RAPH1: variants seen among roughly 807,000 people sequenced by gnomAD.
RAPH1 encodes Ras association (RalGDS/AF-6) and pleckstrin homology domains 1.
Under a neutral mutation model 88.1 loss-of-function variants are expected in RAPH1, and 18 were observed. The ratio of observed to expected loss-of-function variants is 0.20; its 90% confidence interval spans 0.14 to 0.30. RAPH1 has a LOEUF of 0.30. Among genes scored for constraint, RAPH1 ranks in the 10% least tolerant of loss-of-function variants. The pLI is 1.00. For missense variants in RAPH1, 1,448 were observed against 1,543.2 expected (o/e 0.94, Z 1.03); for synonymous variants, 587 against 559.0 (o/e 1.05, Z -0.71).
intron 13 of RAPH1, chr2:203,444,571 T>C (rs138873672): frequency 1.4e-4 from 55 of 388,472 alleles, no homozygotes; most frequent in Middle Eastern, 1.3e-3. Flanking sequence ...AAGGAAGAAA[T>C]TGTTATTTCT....
chr2:203,441,486 G>C lies in RAPH1; in HGVS notation c.1777-73C>G, dbSNP rs370983870. Reference sequence around the variant, plus strand: ...CAAAACAGTTACAGAGGTAAGCTTTGATTGTGTAAAACTAAAAAGCAGGGA... The same window carrying C: ...CAAAACAGTTACAGAGGTAAGCTTTCATTGTGTAAAACTAAAAAGCAGGGA... On this transcript the variant is annotated intron_variant, in intron 13 of 13. Coordinates refer to ENST00000319170, the MANE Select transcript of RAPH1 (RefSeq NM_213589.3). 469 of 1,454,444 alleles carry C rather than the reference G, an allele frequency of 3.2e-4. 4 individuals are homozygous for C. The South Asian group carries it at 5.8e-3, about 18-fold the overall frequency. 90.1% of individuals were successfully genotyped at this position (1,454,444 alleles called of 1,614,324 possible).
intron 1 of RAPH1, among the ~76,000 whole-genome samples, chr2:203,531,806 G>A (rs570493617): frequency 6.6e-6 from 1 of 152,306 alleles, no homozygotes; most frequent in African/African-American, 2.4e-5. Context: ...GTAAAATGGT[G>A]CAGCTGCTGT....
At chr2:203,534,773 C>G (rs999828817) in intron 1 of RAPH1, among the ~76,000 whole-genome samples, 2 of 152,164 alleles carry the variant, frequency 1.3e-5, no homozygotes, top group African/African-American at 4.8e-5. Flanking sequence ...CCCTGCGGTC[C>G]CGGGCCACCA....
At chr2:203,485,211 C>A (rs963880937) in intron 4 of RAPH1, among the ~76,000 whole-genome samples, 2 of 152,064 alleles carry the variant, frequency 1.3e-5, no homozygotes, top group African/African-American at 4.8e-5. Context: ...CGAGACCAGC[C>A]TGGCCAACAT....
Position 203,439,806 on chromosome 2 carries a change from A to C in RAPH1, c.3384T>G (p.Asn1128Lys). ...CAGCTTGAGTGAGGCGGGTGCTATCATTCCGTTTGGGTCGTGTGGGTGGAG... is the reference window on the plus strand; with the variant it reads ...CAGCTTGAGTGAGGCGGGTGCTATCCTTCCGTTTGGGTCGTGTGGGTGGAG... ...KAPPPTRPKR[N>K]DSTRLTQAEI... Residue 1128 changes from asparagine (N) to lysine (K), a missense_variant, in exon 14 of 14, where the codon AAT (asparagine) becomes AAG (lysine). Physicochemically the swap from Asn to Lys is moderately conservative, Grantham distance 94 (BLOSUM62 0). Transcript: ENST00000319170. 6.2e-7 allele frequency: 1 copy of C among 1,614,070 alleles called. No individual in the cohort carries two copies. Among genetic ancestry groups the C allele is most frequent in the Non-Finnish European group, 8.5e-7 (1 of 1,180,016 alleles).
At chr2:203,452,711 C>T (rs866014013) in intron 10 of RAPH1, among the ~76,000 whole-genome samples, 26 of 152,168 alleles carry the variant, frequency 1.7e-4, no homozygotes, top group Admixed American at 3.9e-4. Flanking sequence ...CCTATAATCC[C>T]AGCACTTCAG....
chr2:203,523,075 C>T (rs1031995986), intron 1 of RAPH1, among the ~76,000 whole-genome samples: 1 of 151,934 alleles, frequency 6.6e-6, no homozygotes, highest in Non-Finnish European at 1.5e-5. Context: ...TAGACCCACA[C>T]ATAAAATGTC....
chr2:203,531,286 A>G (rs1690377454), intron 1 of RAPH1, among the ~76,000 whole-genome samples: 1 of 152,180 alleles, frequency 6.6e-6, no homozygotes, highest in Admixed American at 6.6e-5. Flanking sequence ...GGATAGCACT[A>G]GGAGAAATAT....
At chr2:203,491,363 C>A in intron 2 of RAPH1, 44 bp from the exon 3 acceptor site, 2 of 1,298,288 alleles carry the variant, frequency 1.5e-6, no homozygotes, top group Admixed American at 2.1e-5. Flanking sequence ...ATTCAGGTTT[C>A]AATAATATAA....
Position 203,489,589 on chromosome 2 carries a change from T to C in RAPH1, c.727A>G (p.Thr243Ala). 1 of 1,513,098 alleles carries C rather than the reference T, an allele frequency of 6.6e-7. No individual in the cohort carries two copies. Among genetic ancestry groups the C allele is most frequent in the Non-Finnish European group, 8.9e-7 (1 of 1,120,490 alleles). The allele number at this position is 1,513,098 out of a possible 1,614,324, so 93.7% of individuals were successfully genotyped here. A position where few individuals can be genotyped will look rare whatever the true frequency, so the allele number is the denominator to read the frequency against. Reference protein sequence around the residue: ...LDLTHQGQPITEEEQAAKLKA... With the variant: ...LDLTHQGQPIAEEEQAAKLKA... The stretch of plus-strand genomic sequence containing the variant: ...AAAAAGTTCCATTTATTTACCTCAG[T>C]AATTGGCTGCCCTTGATGTGTCAAA... Residue 243 changes from threonine (T) to alanine (A), a missense_variant, in exon 4 of 14, where the codon ACT becomes GCT. Thr to Ala is a moderately conservative substitution (Grantham distance 58). Around this residue, in one of 2 missense-constraint regions of RAPH1, gnomAD observed 513 missense variants for 653.1 expected, o/e 0.79. Coordinates refer to ENST00000319170, the MANE Select transcript of RAPH1 (RefSeq NM_213589.3).
At chr2:203,471,352 C>T (rs1040362634) in intron 4 of RAPH1, among the ~76,000 whole-genome samples, 2 of 152,168 alleles carry the variant, frequency 1.3e-5, no homozygotes, top group Non-Finnish European at 2.9e-5. Flanking sequence ...TAAGAAAGTA[C>T]ATGGCCCCTA....
In RAPH1 at chr2:203,435,778, TAA is replaced by T. The variant is rs1400983785; in HGVS notation, c.*3657_*3658del. On this transcript the variant is annotated 3_prime_UTR_variant, in exon 14 of 14. Transcript: ENST00000319170. ...AATAGGAATGGGTTTTTTACCTGTT[TAA>T]AGTCACTTTGTGTTTATAACAAAAT... 2 of 152,248 alleles carry T rather than the reference TAA, an allele frequency of 1.3e-5. No individual in the cohort carries two copies. Among genetic ancestry groups the T allele is most frequent in the African/African-American group, 2.4e-5 (1 of 41,468 alleles). The allele number at this position is 152,248 out of a possible 1,614,324, so 9.4% of individuals were successfully genotyped here.
intron 1 of RAPH1, among the ~76,000 whole-genome samples, chr2:203,500,125 A>G (rs1688676729): frequency 6.6e-6 from 1 of 152,232 alleles, no homozygotes; most frequent in Non-Finnish European, 1.5e-5. Context: ...TCTGTCCTCA[A>G]GGAACATATA....
chr2:203,479,860 C>T (rs1687643081), intron 4 of RAPH1, among the ~76,000 whole-genome samples: 1 of 152,068 alleles, frequency 6.6e-6, no homozygotes, highest in Non-Finnish European at 1.5e-5. Flanking sequence ...CCATAAAGTA[C>T]TTATTTTCTT....
chr2:203,468,741 G>A (rs763849067), intron 4 of RAPH1, among the ~76,000 whole-genome samples: 5 of 152,144 alleles, frequency 3.3e-5, no homozygotes, highest in Non-Finnish European at 7.4e-5. Flanking sequence ...TGGTAAAATG[G>A]CAAACTTCAT....
intron 9 of RAPH1, 117 bp downstream of exon 9, chr2:203,455,318 CTA>C (rs2098518445): frequency 5.4e-6 from 5 of 921,016 alleles, no homozygotes; most frequent in East Asian, 2.5e-5. Context: ...AAGCAATATT[CTA>C]TGTCTTCCAC....
At chr2:203,452,181 C>T (rs1297326570) in intron 10 of RAPH1, among the ~76,000 whole-genome samples, 1 of 152,108 alleles carries the variant, frequency 6.6e-6, no homozygotes, top group Non-Finnish European at 1.5e-5. Flanking sequence ...TGAGAGTCCC[C>T]CAATAACTTT....
At chr2:203,480,713 T>G (rs1305507758) in intron 4 of RAPH1, among the ~76,000 whole-genome samples, 1 of 152,232 alleles carries the variant, frequency 6.6e-6, no homozygotes, top group African/African-American at 2.4e-5. Flanking sequence ...TGGAGGCTTA[T>G]GACCACTCAT....
rs1265370152 is a variant in RAPH1, at chr2:203,439,965, G to A, written c.3225C>T (p.Pro1075=). ...PSPPSDSDFP[P]PPPETELPLP... ...GAGGAAGCTCTGTTTCAGGTGGAGG[G>A]GGTGGAAAATCAGAATCGGATGGAG... Residue 1075 remains proline, a synonymous_variant, in exon 14 of 14, where the codon CCC becomes CCT. Coordinates refer to ENST00000319170, the MANE Select transcript of RAPH1 (RefSeq NM_213589.3). 2 of 1,613,646 alleles carry A rather than the reference G, an allele frequency of 1.2e-6. No individual in the cohort carries two copies. The highest frequency in any genetic ancestry group is 1.7e-6 in the Non-Finnish European group (2 of 1,179,984).
Sources: allele counts gnomAD v4.1 joint callset (sites outside exome capture counted in the v4.1 genomes callset), GRCh38; gene constraint gnomAD v4.1.1; regional missense constraint gnomAD v4.1.1; transcripts MANE v1.5; gene names NCBI Gene and HGNC (gene_info 2026-07-23, HGNC 2026-07-21).